The following CPOX variants were observed in gnomAD, a reference collection of about 807,000 sequenced individuals.
The protein encoded by CPOX is oxygen-dependent coproporphyrinogen-III oxidase, mitochondrial.
In CPOX, 24 loss-of-function variants were observed where a neutral mutation model predicts 48.9. The ratio of observed to expected loss-of-function variants is 0.49; its 90% CI spans 0.36 to 0.69. CPOX has a LOEUF of 0.69. CPOX is among the 30% of genes least tolerant of loss of function. The pLI, the probability that CPOX is intolerant of heterozygous loss-of-function variation, is 0.00. For synonymous variants in CPOX, 249 were observed against 234.6 expected (o/e 1.06, Z -0.56); for missense variants, 549 against 597.3 (o/e 0.92, Z 0.84).
intron 5 of CPOX, among the ~76,000 whole-genome samples, chr3:98,582,878 CCTTT>C (rs921622457): frequency 8.5e-5 from 13 of 152,280 alleles, no homozygotes; most frequent in African/African-American, 3.1e-4. Context: ...ATCTATGCTC[CCTTT>C]CTAACTCTCA....
At chr3:98,588,130 T>C (rs184351220) in intron 4 of CPOX, among the ~76,000 whole-genome samples, 6 of 152,354 alleles carry the variant, frequency 3.9e-5, no homozygotes, top group Admixed American at 3.3e-4. Flanking sequence ...AGAATGCCAA[T>C]TGGCTCTAAG....
intron 5 of CPOX, 96 bp downstream of exon 5, chr3:98,585,345 A>T (rs893514545): frequency 4.0e-5 from 38 of 938,544 alleles, no homozygotes; most frequent in Non-Finnish European, 6.7e-5. Flanking sequence ...TAACACAACT[A>T]TTACAAAGTA....
At chr3:98,576,686 C>A (rs57509582), downstream of CPOX, among the ~76,000 whole-genome samples, 274 of 152,246 alleles carry the variant, frequency 1.8e-3, no homozygotes, top group African/African-American at 6.4e-3. Flanking sequence ...TGTGAGATTT[C>A]AAATACATAA....
intron 5 of CPOX, among the ~76,000 whole-genome samples, chr3:98,583,626 C>G (rs962411994): frequency 6.6e-6 from 1 of 152,110 alleles, no homozygotes; most frequent in Non-Finnish European, 1.5e-5. Context: ...GACTGATGTT[C>G]AAGGTCTGGG....
downstream of CPOX, among the ~76,000 whole-genome samples, chr3:98,574,750 T>C (rs1199409098): frequency 6.6e-6 from 1 of 152,186 alleles, no homozygotes; most frequent in African/African-American, 2.4e-5. Flanking sequence ...GGCTAATTTT[T>C]GTATTTTTAG....
Position 98,593,282 on chromosome 3 carries a change from C to T in CPOX, c.223G>A (p.Gly75Arg), listed in dbSNP as rs2107136562. The change falls in exon 1 of 7, where the codon GGG (glycine) becomes AGG (arginine). Residue 75 changes from glycine (G) to arginine (R), a missense_variant. This residue lies in a region of CPOX where 336 missense variants were observed against 318.1 expected (regional missense o/e 1.06). Coordinates refer to ENST00000647941, the MANE Select transcript of CPOX (RefSeq NM_000097.7). ...GSTSRGGPWVGTGLAAALAGL... is the reference protein window; with the variant it reads ...GSTSRGGPWVRTGLAAALAGL... Reference sequence around the variant, plus strand: ...GCCAGCGCCGCGGCCAGCCCTGTCCCCACCCAGGGGCCGCCTCTCGACGTC... The same window carrying T: ...GCCAGCGCCGCGGCCAGCCCTGTCCTCACCCAGGGGCCGCCTCTCGACGTC... The T allele has an allele frequency of 6.8e-7, 1 of 1,467,200 alleles. No homozygotes were observed. Among genetic ancestry groups the T allele is most frequent in the Non-Finnish European group, 8.9e-7 (1 of 1,117,372 alleles). 90.9% of individuals were successfully genotyped at this position (1,467,200 alleles called of 1,614,324 possible). A position where few individuals can be genotyped will look rare whatever the true frequency, so the allele number is the denominator to read the frequency against.
chr3:98,574,590 G>C (rs534354896), downstream of CPOX, among the ~76,000 whole-genome samples: 130 of 152,286 alleles, frequency 8.5e-4, no homozygotes, highest in African/African-American at 3.0e-3. Flanking sequence ...TTTGGTTTTT[G>C]GTTTTTTTTG....
In CPOX at chr3:98,579,491, A is replaced by G; in HGVS notation, c.*1192T>C. On this transcript the variant is annotated 3_prime_UTR_variant, in exon 7 of 7. Transcript: ENST00000647941. The stretch of plus-strand genomic sequence containing the variant: ...AATTTATTAGCAGATCTCTTGTAAG[A>G]CAGTTGAAGAATTCATACATTTTCC... The G allele has an allele frequency of 4.4e-6, 4 of 918,988 alleles. No homozygotes were observed. The highest frequency in any genetic ancestry group is 5.2e-6 in the Non-Finnish European group (4 of 769,648). The allele number at this position is 918,988 out of a possible 1,614,324, so 56.9% of individuals were successfully genotyped here. A position where few individuals can be genotyped will look rare whatever the true frequency, so the allele number is the denominator to read the frequency against.
At chr3:98,577,812 G>A (rs192754238), downstream of CPOX, among the ~76,000 whole-genome samples, 112 of 152,304 alleles carry the variant, frequency 7.4e-4, no homozygotes, top group Admixed American at 1.9e-3. Context: ...CCTCACCTAT[G>A]TACAGACATG....
chr3:98,584,323 A>G (rs1344222759), intron 5 of CPOX, among the ~76,000 whole-genome samples: 1 of 152,206 alleles, frequency 6.6e-6, no homozygotes, highest in Non-Finnish European at 1.5e-5. Context: ...CCCCAAAATA[A>G]GTATCAAGTG....
At chr3:98,576,013 G>C (rs1358593718), downstream of CPOX, among the ~76,000 whole-genome samples, 1 of 143,516 alleles carries the variant, frequency 7.0e-6, no homozygotes. Context: ...CAGAGGTTGT[G>C]GTGAGCCAGG....
chr3:98,593,079 T>C lies in CPOX; in HGVS notation c.426A>G (p.Arg142=), dbSNP rs1707511579. 4 of 1,613,728 alleles carry C rather than the reference T, an allele frequency of 2.5e-6. No individual in the cohort carries two copies. The highest frequency in any genetic ancestry group is 3.4e-6 in the Non-Finnish European group (4 of 1,179,946). Residue 142 remains arginine, a synonymous_variant, in exon 1 of 7, where the codon CGA becomes CGG. Coordinates refer to ENST00000647941, the MANE Select transcript of CPOX (RefSeq NM_000097.7). Reference sequence around the variant, plus strand: ...TGGTCTTCATGTCGCCCGGCCTCCTTCGCAGCTCGCCCAGGTCGGTCACAG... The same window carrying C: ...TGGTCTTCATGTCGCCCGGCCTCCTCCGCAGCTCGCCCAGGTCGGTCACAG... ...APPVTDLGEL[R]RRPGDMKTKM...
Position 98,580,760 on chromosome 3 carries a change from T to G in CPOX, c.1288A>C (p.Met430Leu), listed in dbSNP as rs1156859141. 5 of 1,613,944 alleles carry G rather than the reference T, an allele frequency of 3.1e-6. No individual in the cohort carries two copies. Among genetic ancestry groups the G allele is most frequent in the Non-Finnish European group, 4.2e-6 (5 of 1,180,000 alleles). The stretch of plus-strand genomic sequence containing the variant: ...TTGGAATTCTCTGAGGGTGAATGCA[T>G]GTACTCCCATCTATGCATGTCCAAA... ...SLPLTARWEY[M>L]HSPSENSKEA... Residue 430 changes from methionine (M) to leucine (L), a missense_variant, in exon 7 of 7, where the codon ATG becomes CTG. Physicochemically the swap from Met to Leu is conservative, Grantham distance 15. Coordinates refer to ENST00000647941, the MANE Select transcript of CPOX (RefSeq NM_000097.7).
downstream of CPOX, among the ~76,000 whole-genome samples, chr3:98,578,007 A>G (rs1707187643): frequency 6.6e-6 from 1 of 152,232 alleles, no homozygotes; most frequent in Non-Finnish European, 1.5e-5. Context: ...AACAGAAAAT[A>G]GTGGTTAAAA....
the CPOX span, among the ~76,000 whole-genome samples, chr3:98,571,289 T>C: frequency 6.6e-6 from 1 of 152,368 alleles, no homozygotes; most frequent in African/African-American, 2.4e-5. Context: ...CTAATTTCTC[T>C]TTTTCCTTTT....
rs758403022 is a variant in CPOX at position 98,583,151 on chromosome 3, TG to T, written c.1173-1641del. 4.6e-5 allele frequency among the ~76,000 whole-genome samples: 7 copies of T among 152,344 alleles called. No individual in the cohort carries two copies. In the South Asian group the frequency reaches 8.3e-4, roughly 18 times the overall value. ...AAAGATTCCTTAATGAATTTTCTGT[TG>T]GATCCTTTCCTTTATTGCGTGAAGG... On this transcript the variant is annotated intron_variant, in intron 5 of 6. Coordinates refer to ENST00000647941, the MANE Select transcript of CPOX (RefSeq NM_000097.7).
the CPOX span, among the ~76,000 whole-genome samples, chr3:98,571,513 C>A: frequency 6.7e-6 from 1 of 150,130 alleles, no homozygotes; most frequent in Non-Finnish European, 1.5e-5. Flanking sequence ...ACGGTGAAAC[C>A]CCGTCTCTAC....
intron 5 of CPOX, among the ~76,000 whole-genome samples, chr3:98,584,631 T>G (rs1374973591): frequency 1.3e-5 from 2 of 152,228 alleles, no homozygotes; most frequent in Non-Finnish European, 2.9e-5. Flanking sequence ...ATCCATTTTA[T>G]AGCCATGTTT....
chr3:98,578,179 G>A (rs1037709169), downstream of CPOX: 3 of 774,448 alleles, frequency 3.9e-6, no homozygotes, highest in Non-Finnish European at 3.1e-6. Flanking sequence ...AATTCACTTT[G>A]AATAACAGTA....
Sources: allele counts gnomAD v4.1 joint callset (sites outside exome capture counted in the v4.1 genomes callset), GRCh38; gene constraint gnomAD v4.1.1; regional missense constraint gnomAD v4.1.1; transcripts MANE v1.5; gene names NCBI Gene and HGNC (gene_info 2026-07-23, HGNC 2026-07-21).